GNG3: variants seen among roughly 807,000 people sequenced by gnomAD.
GNG3 encodes G protein subunit gamma 3.
A neutral mutation model predicts 5.6 loss-of-function variants in GNG3; 4 were observed. That is an observed-to-expected ratio of 0.71 (90% confidence interval 0.35 to 1.63). The LOEUF (loss-of-function observed/expected upper bound fraction) is 1.63, where lower values mean the gene tolerates loss of function less well. GNG3 is among the 40% of genes most tolerant of loss of function. The probability of loss-of-function intolerance (pLI) is 0.05; values close to 1 mark genes in which losing one functional copy is unlikely to be tolerated. For synonymous variants in GNG3, 30 were observed against 33.5 expected, an observed-to-expected ratio of 0.89 and a Z score of 0.36; for missense variants, 62 against 96.6, an observed-to-expected ratio of 0.64 and a Z score of 1.50.
chr11:62,707,380 AAGG>A (rs1470014562), upstream of GNG3: 3 of 716,042 alleles, frequency 4.2e-6, no homozygotes, highest in African/African-American at 1.7e-5. Context: ...AGAGGGAGGA[AAGG>A]AGGAGGGGGG....
upstream of GNG3, chr11:62,706,528 C>T: frequency 4.4e-6 from 2 of 451,688 alleles, no homozygotes; most frequent in Non-Finnish European, 8.9e-6. Flanking sequence ...CCCTGCAGGC[C>T]CCAAGATGTG....
At chr11:62,708,135 G>A in intron 1 of GNG3, 160 bp from the exon 2 acceptor site, 1 of 640,872 alleles carries the variant, frequency 1.6e-6, no homozygotes, top group South Asian at 1.8e-5. Context: ...TTTCCATGAG[G>A]AATACAGGGA....
chr11:62,707,213 G>GT (rs1396735903), upstream of GNG3: 4 of 1,550,924 alleles, frequency 2.6e-6, no homozygotes, highest in South Asian at 4.8e-5. Flanking sequence ...ACGAGCCTCT[G>GT]TTGACTCTGG....
chr11:62,707,150 C>A (rs1170183404), upstream of GNG3: 2 of 1,554,742 alleles, frequency 1.3e-6, no homozygotes, highest in Non-Finnish European at 1.7e-6. Flanking sequence ...CCGCACACCT[C>A]TTTTTCCCCA....
Position 62,709,179 on chromosome 11 carries a change from G to A in GNG3, c.*373G>A, listed in dbSNP as rs2083591939. The A allele has an allele frequency of 2.2e-6, 1 of 461,122 alleles. No homozygotes were observed. The highest frequency in any genetic ancestry group is 1.5e-5 in the South Asian group (1 of 64,522). 28.6% of individuals were successfully genotyped at this position (461,122 alleles called of 1,614,324 possible). On this transcript the variant is annotated 3_prime_UTR_variant, in exon 3 of 3. Transcript: ENST00000294117. ...TACTGGGAGGGTAAAGCCATTTGAAGAATAAAGTCATCCAGAGCCTCAGGA... is the reference window on the plus strand; with the variant it reads ...TACTGGGAGGGTAAAGCCATTTGAAAAATAAAGTCATCCAGAGCCTCAGGA...
At position 62,708,924 on chromosome 11, in the gene GNG3, CA is replaced by C; in HGVS notation, c.*119del. 5.1e-6 allele frequency: 4 copies of C among 781,818 alleles called. No homozygotes were observed. Among genetic ancestry groups the C allele is most frequent in the Non-Finnish European group, 8.7e-6 (4 of 458,954 alleles). The allele number at this position is 781,818 out of a possible 1,614,324, so 48.4% of individuals were successfully genotyped here. On this transcript the variant is annotated 3_prime_UTR_variant, in exon 3 of 3. Coordinates refer to ENST00000294117, the MANE Select transcript of GNG3 (RefSeq NM_012202.5). ...ATCCCATCCCTAACCCTTGCCTGAC[CA>C]TGTGAGGTTATCTGAAGCACAAGGC...
At chr11:62,706,687 C>T (rs918419954), upstream of GNG3, 19 of 480,446 alleles carry the variant, frequency 4.0e-5, no homozygotes, top group African/African-American at 3.4e-4. Context: ...TTTTATCGCC[C>T]ACAGCTCCTA....
chr11:62,707,764 C>A lies in GNG3; in HGVS notation c.-153C>A. The A allele has an allele frequency of 3.6e-6, 1 of 277,106 alleles. No homozygotes were observed. 17.2% of individuals were successfully genotyped at this position (277,106 alleles called of 1,614,324 possible). On this transcript the variant is annotated 5_prime_UTR_variant, in exon 1 of 3. Coordinates refer to ENST00000294117, the MANE Select transcript of GNG3 (RefSeq NM_012202.5). ...AGACCAGACCTCTGGCCTGGCCCTCCCCAGGGGCCTCCTTTCGTATAGTCA... is the reference window on the plus strand; with the variant it reads ...AGACCAGACCTCTGGCCTGGCCCTCACCAGGGGCCTCCTTTCGTATAGTCA...
intron 1 of GNG3, 152 bp from the exon 2 acceptor site, chr11:62,708,143 G>C (rs1000220072): frequency 1.6e-5 from 11 of 668,456 alleles, no homozygotes; most frequent in Non-Finnish European, 3.0e-5. Context: ...AGGAATACAG[G>C]GATGAGACAG....
Position 62,708,751 on chromosome 11 carries a change from T to C in GNG3, c.173T>C (p.Val58Ala). The part of the protein sequence containing the change: ...HACEDPLITP[V>A]PTSENPFREK... ...TGTGAGGATCCCCTCATCACCCCTG[T>C]GCCCACTTCGGAGAACCCCTTCCGG... The change falls in exon 3 of 3, where the codon GTG becomes GCG. Residue 58 changes from valine to alanine, a missense_variant. Coordinates refer to ENST00000294117, the MANE Select transcript of GNG3 (RefSeq NM_012202.5). 1 of 1,614,160 alleles carries C rather than the reference T, an allele frequency of 6.2e-7. No homozygotes were observed. The highest frequency in any genetic ancestry group is 8.5e-7 in the Non-Finnish European group (1 of 1,179,996).
At chr11:62,706,545 G>T (rs1261739563), upstream of GNG3, 1 of 460,210 alleles carries the variant, frequency 2.2e-6, no homozygotes, top group Non-Finnish European at 4.4e-6. Flanking sequence ...TGTGCCCCAG[G>T]GGATGCGCTG....
chr11:62,706,631 C>A (rs768730069), upstream of GNG3: 7 of 472,818 alleles, frequency 1.5e-5, no homozygotes, highest in East Asian at 4.8e-4. Flanking sequence ...CAGGCCATTT[C>A]ACCCGCGAAG....
At position 62,709,084 on chromosome 11, in the gene GNG3, T is replaced by A; in HGVS notation, c.*278T>A. 1 of 477,866 alleles carries A rather than the reference T, an allele frequency of 2.1e-6. No individual in the cohort carries two copies. The highest frequency in any genetic ancestry group is 1.8e-5 in the South Asian group (1 of 56,336). The allele number at this position is 477,866 out of a possible 1,614,324, so 29.6% of individuals were successfully genotyped here. A position where few individuals can be genotyped will look rare whatever the true frequency, so the allele number is the denominator to read the frequency against. On this transcript the variant is annotated 3_prime_UTR_variant, in exon 3 of 3. Coordinates refer to ENST00000294117, the MANE Select transcript of GNG3 (RefSeq NM_012202.5). ...GACTCTGCCAGCGCGTCCTGCCCGC[T>A]TCCCTCGGTGACCTGCTCAGACAAT...
Position 62,709,106 on chromosome 11 carries a change from C to T in GNG3, c.*300C>T, listed in dbSNP as rs1233719701. ...CGCTTCCCTCGGTGACCTGCTCAGA[C>T]AATGGAGAGGGATGGGCCAGGTTCT... On this transcript the variant is annotated 3_prime_UTR_variant, in exon 3 of 3. Coordinates refer to ENST00000294117, the MANE Select transcript of GNG3 (RefSeq NM_012202.5). 1 of 482,480 alleles carries T rather than the reference C, an allele frequency of 2.1e-6. No individual in the cohort carries two copies. The highest frequency in any genetic ancestry group is 2.0e-5 in the African/African-American group (1 of 51,272). The allele number at this position is 482,480 out of a possible 1,614,324, so 29.9% of individuals were successfully genotyped here.
upstream of GNG3, chr11:62,706,599 C>G: frequency 2.1e-6 from 1 of 469,694 alleles, no homozygotes; most frequent in South Asian, 1.5e-5. Flanking sequence ...GCAATCACAG[C>G]CCTCCGTGCA....
Position 62,708,842 on chromosome 11 carries a change from C to T in GNG3, c.*36C>T. 1 of 1,528,486 alleles carries T rather than the reference C, an allele frequency of 6.5e-7. No homozygotes were observed. Among genetic ancestry groups the T allele is most frequent in the Non-Finnish European group, 9.1e-7 (1 of 1,103,858 alleles). The allele number at this position is 1,528,486 out of a possible 1,614,324, so 94.7% of individuals were successfully genotyped here. ...CCCTTCTCACAACTCCTCCCTTTTC[C>T]CTCTCCTGGGCCCTTCCTTAGGTCA... On this transcript the variant is annotated 3_prime_UTR_variant, in exon 3 of 3. Coordinates refer to ENST00000294117, the MANE Select transcript of GNG3 (RefSeq NM_012202.5).
upstream of GNG3, chr11:62,707,251 A>AG: frequency 6.8e-7 from 1 of 1,473,820 alleles, no homozygotes; most frequent in Non-Finnish European, 9.3e-7. Context: ...TTGTGGCTAA[A>AG]ACGTGAAGTG....
At chr11:62,706,632 A>C (rs1409628588), upstream of GNG3, 1 of 472,450 alleles carries the variant, frequency 2.1e-6, no homozygotes, top group Non-Finnish European at 4.4e-6. Flanking sequence ...AGGCCATTTC[A>C]CCCGCGAAGC....
Position 62,708,309 on chromosome 11 carries a change from C to G in GNG3, c.14C>G (p.Thr5Ser), listed in dbSNP as rs764612582. 3.7e-6 allele frequency: 6 copies of G among 1,611,056 alleles called. No individual in the cohort carries two copies. Among genetic ancestry groups the G allele is most frequent in the Non-Finnish European group, 5.1e-6 (6 of 1,177,204 alleles). ...CTTTTTTCCAGGATGAAAGGTGAGACCCCGGTGAACAGCACTATGAGTATT... is the reference window on the plus strand; with the variant it reads ...CTTTTTTCCAGGATGAAAGGTGAGAGCCCGGTGAACAGCACTATGAGTATT... Reference protein sequence around the residue: MKGETPVNSTMSIGQ... With the variant: MKGESPVNSTMSIGQ... The change falls in exon 2 of 3, where the codon ACC becomes AGC. Residue 5 changes from threonine to serine, a missense_variant. By Grantham distance (58) the Thr-to-Ser change is moderately conservative (BLOSUM62 1). Coordinates refer to ENST00000294117, the MANE Select transcript of GNG3 (RefSeq NM_012202.5).
Sources: gnomAD v4.1 joint callset for allele counts on GRCh38, gnomAD v4.1.1 for gene constraint, MANE v1.5 for transcripts, NCBI Gene and HGNC (gene_info 2026-07-23, HGNC 2026-07-21) for gene names.